CHCHD3: variants seen among roughly 807,000 people sequenced by gnomAD.
CHCHD3 encodes MICOS complex subunit MIC19.
CHCHD3 carries 20 observed loss-of-function variants against 38.2 expected under a neutral mutation model. The ratio of observed to expected loss-of-function variants is 0.52; its 90% CI spans 0.37 to 0.76. The LOEUF (loss-of-function observed/expected upper bound fraction) is 0.76, where lower values mean the gene tolerates loss of function less well. Among genes scored for constraint, CHCHD3 ranks in the 30% least tolerant of loss-of-function variants. CHCHD3 has a pLI of 0.00. For missense variants in CHCHD3, 245 were observed against 279.2 expected, an observed-to-expected ratio of 0.88 and a Z score of 0.87; for synonymous variants, 82 against 100.0, an observed-to-expected ratio of 0.82 and a Z score of 1.07.
chr7:132,888,967 T>C lies in CHCHD3; in HGVS notation c.370-3222A>G, dbSNP rs1466114612. 5.9e-5 allele frequency among the ~76,000 whole-genome samples: 9 copies of C among 152,172 alleles called. 1 individual carries two copies. Among genetic ancestry groups the C allele is most frequent in the Middle Eastern group, 3.4e-3 (1 of 294 alleles). ...TGGTAAGATGTTATAGTAGTTATGA[T>C]ATATGTAGTGGGATATATTATTTGG... is the stretch of plus-strand genomic sequence containing the variant. On this transcript the variant is annotated intron_variant, in intron 4 of 7. Transcript: ENST00000262570.
intron 3 of CHCHD3, among the ~76,000 whole-genome samples, chr7:132,978,227 A>C (rs75506161): frequency 0.019 from 2,851 of 152,304 alleles, 105 homozygotes; most frequent in African/African-American, 0.064. Flanking sequence ...CAGTGATTTT[A>C]CGAAATGAAG....
At chr7:132,790,925 A>G (rs1327894075) in intron 7 of CHCHD3, among the ~76,000 whole-genome samples, 2 of 152,170 alleles carry the variant, frequency 1.3e-5, no homozygotes, top group Non-Finnish European at 2.9e-5. Context: ...TCTGATTCCC[A>G]CATCATCTTC....
Position 133,034,508 on chromosome 7 carries a change from C to CTTTTTTTTTTTTT in CHCHD3, c.170-9894_170-9882dup, listed in dbSNP as rs146912120. The CTTTTTTTTTTTTT allele has an allele frequency of 1.1e-4, 32 of 285,192 alleles. 3 individuals are homozygous for CTTTTTTTTTTTTT. The highest frequency in any genetic ancestry group is 3.2e-4 in the East Asian group (4 of 12,416). 17.7% of individuals were successfully genotyped at this position (285,192 alleles called of 1,614,324 possible). ...AGTCCTTTCAGCAATTGGATCCAGT[C>CTTTTTTTTTTTTT]TTTTTTTTTTTTTTTTTTTTTTCAA... is the stretch of plus-strand genomic sequence containing the variant. On this transcript the variant is annotated intron_variant, in intron 2 of 7. Transcript: ENST00000262570.
In CHCHD3 at chr7:132,839,862, C is replaced by T. The variant is rs79039362; in HGVS notation, c.454-1393G>A. 3.0e-4 allele frequency among the ~76,000 whole-genome samples: 45 copies of T among 152,304 alleles called. No homozygotes were observed. The East Asian group carries it at 7.3e-3, about 25-fold the overall frequency. On this transcript the variant is annotated intron_variant, in intron 5 of 7. Transcript: ENST00000262570. ...TATCAACCTATAGTCCCCTACGATG[C>T]TAACATTTACTATAATCTTATTTGG...
chr7:132,913,130 A>C (rs938353880), intron 4 of CHCHD3, among the ~76,000 whole-genome samples: 1 of 152,200 alleles, frequency 6.6e-6, no homozygotes, highest in East Asian at 1.9e-4. Flanking sequence ...CCAGAGAAAA[A>C]GAATGTTGAG....
chr7:132,873,674 A>G lies in CHCHD3; in HGVS notation c.453+11988T>C, dbSNP rs147319854. On this transcript the variant is annotated intron_variant, in intron 5 of 7. Transcript: ENST00000262570. ...TACACAATGCATAGTACCCAGGGGC[A>G]CTCTGTCACTCAAAACCAGGTTTTG... Among the ~76,000 whole-genome samples, 4 of 152,062 alleles carry G rather than the reference A, an allele frequency of 2.6e-5. No individual in the cohort carries two copies. In the East Asian group the frequency reaches 7.7e-4, roughly 29 times the overall value.
chr7:132,940,242 C>G (rs1427701667), intron 4 of CHCHD3, among the ~76,000 whole-genome samples: 1 of 152,170 alleles, frequency 6.6e-6, no homozygotes, highest in African/African-American at 2.4e-5. Flanking sequence ...TACTTAATTA[C>G]AGTTTCCAAA....
At chr7:133,029,349 C>G (rs1328419426) in intron 2 of CHCHD3, among the ~76,000 whole-genome samples, 2 of 152,144 alleles carry the variant, frequency 1.3e-5, no homozygotes, top group African/African-American at 4.8e-5. Flanking sequence ...TAACTAAAGT[C>G]ACCATCTTAT....
At chr7:132,793,856 G>T (rs907616189) in intron 7 of CHCHD3, among the ~76,000 whole-genome samples, 1 of 152,216 alleles carries the variant, frequency 6.6e-6, no homozygotes, top group Admixed American at 6.5e-5. Context: ...AGAAGAAAAT[G>T]TAAGAAGTTG....
chr7:132,843,058 G>A (rs1807981505), intron 5 of CHCHD3, among the ~76,000 whole-genome samples: 2 of 152,130 alleles, frequency 1.3e-5, no homozygotes, highest in African/African-American at 4.8e-5. Context: ...TTTGTTTTAA[G>A]ATGGAATCTC....
intron 3 of CHCHD3, among the ~76,000 whole-genome samples, chr7:133,015,577 G>A (rs549517339): frequency 3.9e-5 from 6 of 152,072 alleles, no homozygotes; most frequent in Non-Finnish European, 5.9e-5. Flanking sequence ...AGGTTTATAA[G>A]AGAAAATCCA....
chr7:133,005,526 A>G (rs888708591), intron 3 of CHCHD3, among the ~76,000 whole-genome samples: 1 of 152,228 alleles, frequency 6.6e-6, no homozygotes, highest in Admixed American at 6.5e-5. Context: ...AAAAATCACA[A>G]AAGTATACGC....
At chr7:133,011,804 A>C (rs1812880547) in intron 3 of CHCHD3, among the ~76,000 whole-genome samples, 1 of 152,248 alleles carries the variant, frequency 6.6e-6, no homozygotes, top group Non-Finnish European at 1.5e-5. Context: ...AAATCTTTAA[A>C]AAATTATTTT....
At chr7:133,032,878 T>G (rs56093868) in intron 2 of CHCHD3, among the ~76,000 whole-genome samples, 3 of 151,584 alleles carry the variant, frequency 2.0e-5, no homozygotes, top group African/African-American at 7.3e-5. Context: ...TTTTTTTGTT[T>G]CAAAAATGAT....
At chr7:132,937,844 TATG>T (rs1476349837) in intron 4 of CHCHD3, among the ~76,000 whole-genome samples, 1 of 152,236 alleles carries the variant, frequency 6.6e-6, no homozygotes, top group Non-Finnish European at 1.5e-5. Flanking sequence ...TAAGATTTAA[TATG>T]ATGGCTGGTA....
chr7:132,798,740 CCA>C (rs1323049843), intron 6 of CHCHD3, among the ~76,000 whole-genome samples: 1 of 152,068 alleles, frequency 6.6e-6, no homozygotes, highest in Non-Finnish European at 1.5e-5. Flanking sequence ...AAATGAGCAT[CCA>C]CACACTGCAT....
intron 5 of CHCHD3, among the ~76,000 whole-genome samples, chr7:132,866,127 T>C (rs1292605664): frequency 1.3e-5 from 2 of 152,174 alleles, no homozygotes; most frequent in African/African-American, 4.8e-5. Context: ...TATTAAAACA[T>C]TTATGTGGCC....
intron 2 of CHCHD3, 125 bp from the exon 3 acceptor site, chr7:133,024,752 C>T (rs909502345): frequency 8.4e-6 from 6 of 710,658 alleles, no homozygotes; most frequent in African/African-American, 1.8e-5. Flanking sequence ...AAGTGGCCAG[C>T]GTCTCCTTGG....
rs146154466 is a variant in CHCHD3, at chr7:133,054,739, T to C, written c.169+15403A>G. Among the ~76,000 whole-genome samples, 947 of 152,280 alleles carry C rather than the reference T, an allele frequency of 6.2e-3. 3 individuals carry two copies. The highest frequency in any genetic ancestry group is 0.011 in the Non-Finnish European group (724 of 68,012). On this transcript the variant is annotated intron_variant, in intron 2 of 7. Coordinates refer to ENST00000262570, the MANE Select transcript of CHCHD3 (RefSeq NM_017812.4). The stretch of plus-strand genomic sequence containing the variant: ...CACTTCTGCTCTTTATACATTTGCC[T>C]ATACTGGACATTTCCTATAAATGGG...
Sources: gnomAD v4.1 joint callset for allele counts (sites outside exome capture counted in the v4.1 genomes callset) on GRCh38, gnomAD v4.1.1 for gene constraint, MANE v1.5 for transcripts, NCBI Gene and HGNC (gene_info 2026-07-23, HGNC 2026-07-21) for gene names.